FLT3LG: variants seen among roughly 807,000 people sequenced by gnomAD.
FLT3LG encodes the protein fms related receptor tyrosine kinase 3 ligand, also known as fms-related tyrosine kinase 3 ligand.
FLT3LG carries 8 observed loss-of-function variants against 30.9 expected under a neutral mutation model. The observed-to-expected ratio is 0.26, with a 90% CI of 0.15 to 0.47. The LOEUF (loss-of-function observed/expected upper bound fraction) is 0.47. Among genes scored for constraint, FLT3LG ranks in the 20% least tolerant of loss-of-function variants. The pLI, the probability that FLT3LG is intolerant of heterozygous loss-of-function variation, is 0.99. For missense variants in FLT3LG, 278 were observed against 306.2 expected (o/e 0.91, Z 0.69); for synonymous variants, 123 against 135.9 (o/e 0.91, Z 0.66).
chr19:49,475,722 C>T lies in FLT3LG; in HGVS notation c.65C>T (p.Ser22Leu), dbSNP rs139145933. 222 of 1,610,434 alleles carry T rather than the reference C, an allele frequency of 1.4e-4. No homozygotes were observed. The highest frequency in any genetic ancestry group is 1.7e-4 in the Non-Finnish European group (197 of 1,179,918). ...TYLLLLLLLS[S>L]GLSGTQDCSF... ...CTCCTCCTGCTGCTGCTGCTGAGCT[C>T]GGGACTCAGTGGGACCCAGGACTGC... The change falls in exon 3 of 9, where the codon TCG becomes TTG. Residue 22 changes from serine to leucine, a missense_variant. Around this residue, in one of 3 missense-constraint regions of FLT3LG, gnomAD observed 40 missense variants for 34.3 expected, o/e 1.17. Transcript: ENST00000597551.
intron 8 of FLT3LG, among the ~76,000 whole-genome samples, chr19:49,482,800 T>A (rs1179735832): frequency 2.0e-5 from 3 of 151,964 alleles, no homozygotes; most frequent in Non-Finnish European, 4.4e-5. Flanking sequence ...GCTAATTTTT[T>A]GTGTTTTTAG....
intron 8 of FLT3LG, among the ~76,000 whole-genome samples, chr19:49,483,517 C>T (rs981105696): frequency 1.3e-5 from 2 of 151,968 alleles, no homozygotes; most frequent in African/African-American, 4.8e-5. Flanking sequence ...TCAAAACATA[C>T]ATTAAACCAG....
In FLT3LG at chr19:49,476,010, G is replaced by T. The variant is rs2079381730; in HGVS notation, c.145-135G>T. 3.6e-6 allele frequency: 4 copies of T among 1,116,976 alleles called. No homozygotes were observed. The highest frequency in any genetic ancestry group is 1.7e-5 in the Admixed American group (1 of 58,072). The allele number at this position is 1,116,976 out of a possible 1,614,324, so 69.2% of individuals were successfully genotyped here. A position where few individuals can be genotyped will look rare whatever the true frequency, so the allele number is the denominator to read the frequency against. Reference sequence around the variant, plus strand: ...GGTGTCATCCCTTTTTAAGGGCAAGGTTCTGTGGCTTCTTCTGGGCTCCCC... The same window carrying T: ...GGTGTCATCCCTTTTTAAGGGCAAGTTTCTGTGGCTTCTTCTGGGCTCCCC... On this transcript the variant is annotated intron_variant, in intron 3 of 8. Transcript: ENST00000597551. This position sits in a 1 kb window ranked among gnomAD's most constrained non-coding sequence, Gnocchi z 5.3.
chr19:49,485,288 C>A (rs1448438383), intron 8 of FLT3LG, among the ~76,000 whole-genome samples: 1 of 129,602 alleles, frequency 7.7e-6, no homozygotes, highest in Non-Finnish European at 1.6e-5. Context: ...TCGCTCTTGT[C>A]GCCCAGGCTG....
intron 2 of FLT3LG, 108 bp from the exon 3 acceptor site, chr19:49,475,582 AC>A: frequency 2.2e-6 from 3 of 1,392,364 alleles, no homozygotes; most frequent in Non-Finnish European, 2.9e-6. Context: ...GCAGAAGGAC[AC>A]CCAGGGAAGG....
intron 6 of FLT3LG, among the ~76,000 whole-genome samples, chr19:49,479,999 T>C (rs959681198): frequency 6.6e-6 from 1 of 151,778 alleles, no homozygotes; most frequent in Admixed American, 6.6e-5. Flanking sequence ...AGATGGGTTT[T>C]CACCATGTTG....
Position 49,476,540 on chromosome 19 carries a change from C to G in FLT3LG, c.316C>G (p.His106Asp). 1 of 1,614,164 alleles carries G rather than the reference C, an allele frequency of 6.2e-7. No homozygotes were observed. The highest frequency in any genetic ancestry group is 8.5e-7 in the Non-Finnish European group (1 of 1,180,020). The change falls in exon 5 of 9, where the codon CAC (histidine) becomes GAC (aspartate). Residue 106 changes from histidine to aspartate, a missense_variant. Physicochemically the swap from His to Asp is moderately conservative, Grantham distance 81. This residue lies in a region of FLT3LG where 68 missense variants were observed against 110.0 expected (regional missense o/e 0.62). Coordinates refer to ENST00000597551, the MANE Select transcript of FLT3LG (RefSeq NM_001459.4). The surrounding 1 kb of genome is among the most constrained non-coding windows in gnomAD (Gnocchi z 5.3). Reference sequence around the variant, plus strand: ...GCTGGAGCGCGTGAACACGGAGATACACTTTGTCACCAAATGTGCCTTTCA... The same window carrying G: ...GCTGGAGCGCGTGAACACGGAGATAGACTTTGTCACCAAATGTGCCTTTCA... ...GLLERVNTEI[H>D]FVTKCAFQPP...
rs1468163719 is a variant in FLT3LG, at chr19:49,476,414, C to A, written c.199-9C>A. ...CTCCTCCCTCAGACCCGTGGGTTCT[C>A]CCCTCTAGGAGGAGCTCTGCGGGGG... is the stretch of plus-strand genomic sequence containing the variant. On this transcript the variant is annotated splice_polypyrimidine_tract_variant and intron_variant, in intron 4 of 8. Coordinates refer to ENST00000597551, the MANE Select transcript of FLT3LG (RefSeq NM_001459.4). This position sits in a 1 kb window ranked among gnomAD's most constrained non-coding sequence, Gnocchi z 5.3. 1.9e-6 allele frequency: 3 copies of A among 1,609,686 alleles called. No homozygotes were observed. In the South Asian group the frequency reaches 3.3e-5, roughly 18 times the overall value.
rs370327884 is a variant in FLT3LG at position 49,476,198 on chromosome 19, C to T, written c.198C>T (p.Asp66=). The change falls in exon 4 of 9, where the codon GAC becomes GAT. Residue 66 remains aspartate, a splice_region_variant and synonymous_variant. Transcript: ENST00000597551. The surrounding 1 kb of genome is among the most constrained non-coding windows in gnomAD (Gnocchi z 5.3). ...YPVTVASNLQ[D]EELCGGLWRL... is the part of the protein sequence containing the mutation. ...TCACCGTGGCCTCCAACCTGCAGGA[C>T]GTAAGTCATGTTGGGAGGGACCTGG... The T allele has an allele frequency of 1.5e-5, 24 of 1,611,434 alleles. No individual in the cohort carries two copies. Among genetic ancestry groups the T allele is most frequent in the Middle Eastern group, 1.7e-4 (1 of 6,060 alleles).
At chr19:49,475,395 G>T (rs902978483) in intron 2 of FLT3LG, among the ~76,000 whole-genome samples, 1 of 151,054 alleles carries the variant, frequency 6.6e-6, no homozygotes, top group African/African-American at 2.4e-5. Flanking sequence ...GAACCCGGGC[G>T]AGGAAACCAG....
chr19:49,485,191 G>A (rs886374678), intron 8 of FLT3LG, among the ~76,000 whole-genome samples: 5 of 151,512 alleles, frequency 3.3e-5, no homozygotes, highest in African/African-American at 1.2e-4. Context: ...TTCACATGTG[G>A]CTTGTTACTC....
rs748705220 is a variant in FLT3LG, at chr19:49,475,756, A to G, written c.99A>G (p.Gln33=). ...GTGGGACCCAGGACTGCTCCTTCCA[A>G]CACAGCCCCATCTCCTCCGACTTCG... is the stretch of plus-strand genomic sequence containing the variant. The part of the protein sequence containing the change: ...GLSGTQDCSF[Q]HSPISSDFAV... The change falls in exon 3 of 9, where the codon CAA becomes CAG. Residue 33 remains glutamine, a synonymous_variant. Transcript: ENST00000597551. The G allele has an allele frequency of 6.2e-7, 1 of 1,612,460 alleles. No homozygotes were observed. Among genetic ancestry groups the G allele is most frequent in the Non-Finnish European group, 8.5e-7 (1 of 1,179,884 alleles).
intron 3 of FLT3LG, 48 bp downstream of exon 3, chr19:49,475,849 AC>A: frequency 8.8e-7 from 1 of 1,136,688 alleles, no homozygotes. Flanking sequence ...CCTTCCCCCC[AC>A]TTTTTTTTTT....
At position 49,480,339 on chromosome 19, in the gene FLT3LG, G is replaced by A. The variant is rs895758812; in HGVS notation, c.523G>A (p.Glu175Lys). ...ACCCCCATGGAGTCCCCGGCCCCTGGAGGCCACAGCCCCGACAGCCCCGCA... is the reference window on the plus strand; with the variant it reads ...ACCCCCATGGAGTCCCCGGCCCCTGAAGGCCACAGCCCCGACAGCCCCGCA... Reference protein sequence around the residue: ...LPPPWSPRPLEATAPTAPQPP... With the variant: ...LPPPWSPRPLKATAPTAPQPP... Residue 175 changes from glutamate (E) to lysine (K), a missense_variant, in exon 7 of 9, where the codon GAG becomes AAG. Physicochemically the swap from Glu to Lys is moderately conservative, Grantham distance 56 (BLOSUM62 1). Coordinates refer to ENST00000597551, the MANE Select transcript of FLT3LG (RefSeq NM_001459.4). 1 of 1,609,946 alleles carries A rather than the reference G, an allele frequency of 6.2e-7. No homozygotes were observed. Among genetic ancestry groups the A allele is most frequent in the African/African-American group, 1.3e-5 (1 of 74,922 alleles).
At chr19:49,480,172 G>A (rs1601108171) in intron 6 of FLT3LG, 126 bp from the exon 7 acceptor site, 1 of 652,764 alleles carries the variant, frequency 1.5e-6, no homozygotes, top group African/African-American at 1.8e-5. Context: ...TTACAGATGA[G>A]CAAACTGAGG....
At chr19:49,477,618 T>G (rs781386932) in intron 5 of FLT3LG, among the ~76,000 whole-genome samples, 1 of 152,096 alleles carries the variant, frequency 6.6e-6, no homozygotes, top group Non-Finnish European at 1.5e-5. Flanking sequence ...GGTGGGCACC[T>G]GTAGTCCCAG....
At position 49,474,635 on chromosome 19, in the gene FLT3LG, C is replaced by T. The variant is rs1292749499; in HGVS notation, c.-5C>T. 11 of 1,612,566 alleles carry T rather than the reference C, an allele frequency of 6.8e-6. No individual in the cohort carries two copies. Among genetic ancestry groups the T allele is most frequent in the Non-Finnish European group, 9.3e-6 (11 of 1,179,706 alleles). ...GACAGGAGGCATGAGGGGCCCCCGG[C>T]CGAAATGACAGTGCTGGCGCCAGCC... On this transcript the variant is annotated 5_prime_UTR_variant, in exon 2 of 9. Transcript: ENST00000597551.
At chr19:49,483,743 A>G (rs553266347) in intron 8 of FLT3LG, among the ~76,000 whole-genome samples, 1 of 151,766 alleles carries the variant, frequency 6.6e-6, no homozygotes, top group South Asian at 2.1e-4. Flanking sequence ...AACCACACAG[A>G]AGAGTTTAGA....
At chr19:49,478,340 G>A (rs1568670603) in intron 5 of FLT3LG, among the ~76,000 whole-genome samples, 3 of 151,890 alleles carry the variant, frequency 2.0e-5, no homozygotes, top group Admixed American at 6.6e-5. Flanking sequence ...GGTGGCAGGC[G>A]CCTGTAGTCC....
Sources: gnomAD v4.1 joint callset for allele counts (sites outside exome capture counted in the v4.1 genomes callset) on GRCh38, gnomAD v4.1.1 for gene constraint, gnomAD v4.1.1 regional missense constraint, Gnocchi (gnomAD v3.1) non-coding constraint, MANE v1.5 for transcripts, NCBI Gene and HGNC (gene_info 2026-07-23, HGNC 2026-07-21) for gene names.